Variants in WFDC13 observed in about 807,000 individuals in gnomAD.
WFDC13 encodes WAP four-disulfide core domain 13, also known as WAP four-disulfide core domain protein 13.
In WFDC13, 6 loss-of-function variants were observed where a neutral mutation model predicts 10.9. The ratio of observed to expected loss-of-function variants is 0.55; its 90% CI spans 0.30 to 1.09. The LOEUF is 1.09. Ranked by LOEUF, WFDC13 falls within the 50% of genes least tolerant of loss-of-function variation. The probability of loss-of-function intolerance (pLI) is 0.06; values close to 1 mark genes in which losing one functional copy is unlikely to be tolerated. For missense variants in WFDC13, 104 were observed against 109.6 expected (o/e 0.95, Z 0.23); for synonymous variants, 38 against 39.5 (o/e 0.96, Z 0.14).
In WFDC13 at chr20:45,704,556, G is replaced by A. The variant is rs1984308284; in HGVS notation, c.201G>A (p.Gly67=). 7 of 1,614,148 alleles carry A rather than the reference G, an allele frequency of 4.3e-6. No homozygotes were observed. The East Asian group carries it at 1.1e-4, about 26-fold the overall frequency. The stretch of plus-strand genomic sequence containing the variant: ...TTCAGTGCTGTTCCTCCTTCTGTGG[G>A]ATAGTCTGTTCATCAGAAACATTTC... ...KGFQCCSSFC[G]IVCSSETFQK... Residue 67 remains glycine (G), a synonymous_variant, in exon 2 of 4, where the codon GGG becomes GGA. Coordinates refer to ENST00000305479, the MANE Select transcript of WFDC13 (RefSeq NM_172005.2).
In WFDC13 at chr20:45,708,743, C is replaced by T. The variant is rs1193277700; in HGVS notation, c.*908C>T. ...TGGGATTCATGATATTTGATATATT[C>T]GTAAGCTTTTGTTAAGTTTGTAATT... On this transcript the variant is annotated 3_prime_UTR_variant, in exon 4 of 4. Coordinates refer to ENST00000305479, the MANE Select transcript of WFDC13 (RefSeq NM_172005.2). The T allele has an allele frequency of 2.6e-5, 4 of 152,098 alleles. No individual in the cohort carries two copies. Among genetic ancestry groups the T allele is most frequent in the Non-Finnish European group, 5.9e-5 (4 of 68,010 alleles). 9.4% of individuals were successfully genotyped at this position (152,098 alleles called of 1,614,324 possible).
intron 3 of WFDC13, among the ~76,000 whole-genome samples, chr20:45,706,453 A>G (rs1984393271): frequency 1.3e-5 from 2 of 152,310 alleles, no homozygotes; most frequent in African/African-American, 4.8e-5. Context: ...AAGGTCACTC[A>G]TTCAGGTTCC....
intron 2 of WFDC13, among the ~76,000 whole-genome samples, chr20:45,705,477 CTAAT>C (rs1568676469): frequency 6.6e-6 from 1 of 152,222 alleles, no homozygotes; most frequent in Non-Finnish European, 1.5e-5. Flanking sequence ...CTTAGACAAG[CTAAT>C]TAACCTCTCT....
intron 1 of WFDC13, 39 bp from the exon 2 acceptor site, chr20:45,704,405 T>C (rs1425606240): frequency 6.3e-7 from 1 of 1,589,804 alleles, no homozygotes; most frequent in Non-Finnish European, 8.6e-7. Context: ...TACTCCAGCC[T>C]GTTGGTGAGG....
At chr20:45,704,862 T>G in intron 2 of WFDC13, 1 of 1,570,970 alleles carries the variant, frequency 6.4e-7, no homozygotes, top group Non-Finnish European at 8.8e-7. Flanking sequence ...ACAAATGCCT[T>G]TATCCACAGA....
intron 3 of WFDC13, among the ~76,000 whole-genome samples, chr20:45,706,644 C>T (rs1984402840): frequency 6.6e-6 from 1 of 152,054 alleles, no homozygotes; most frequent in African/African-American, 2.4e-5. Context: ...TGATGGTGCA[C>T]ACCTGGAATC....
In WFDC13 at chr20:45,705,940, AT is replaced by A. The variant is rs1219788096; in HGVS notation, c.*22+16del. 16 of 1,612,010 alleles carry A rather than the reference AT, an allele frequency of 9.9e-6. No homozygotes were observed. The highest frequency in any genetic ancestry group is 1.6e-4 in the Middle Eastern group (1 of 6,082). ...CCTAGATCATTTTGTAAGTACAGGGATTTGGTCTCGCCTTCCTCATGTGAGA... is the reference window on the plus strand; with the variant it reads ...CCTAGATCATTTTGTAAGTACAGGGATTGGTCTCGCCTTCCTCATGTGAGA... On this transcript the variant is annotated intron_variant, in intron 3 of 3. Transcript: ENST00000305479.
chr20:45,702,734 G>A (rs547826166), intron 1 of WFDC13, among the ~76,000 whole-genome samples: 13 of 152,266 alleles, frequency 8.5e-5, no homozygotes, highest in Admixed American at 4.6e-4. Context: ...TACAATTACC[G>A]GTAATTAGCA....
intron 2 of WFDC13, chr20:45,704,982 A>G (rs1317403385): frequency 6.2e-7 from 1 of 1,613,966 alleles, no homozygotes; most frequent in African/African-American, 1.3e-5. Flanking sequence ...CTCCTTTCAC[A>G]AGACACCATC....
At chr20:45,706,156 C>A (rs1407326174) in intron 3 of WFDC13, among the ~76,000 whole-genome samples, 2 of 152,132 alleles carry the variant, frequency 1.3e-5, no homozygotes, top group Non-Finnish European at 2.9e-5. Context: ...ATGTAAGGAA[C>A]CAAGTCATGG....
At chr20:45,704,091 GA>G (rs1373779624) in intron 1 of WFDC13, among the ~76,000 whole-genome samples, 4 of 152,186 alleles carry the variant, frequency 2.6e-5, no homozygotes, top group African/African-American at 9.7e-5. Context: ...AATCAGTGCA[GA>G]ACGAACATAC....
chr20:45,705,894 C>T lies in WFDC13; in HGVS notation c.271C>T (p.Pro91Ser), dbSNP rs1984370383. The T allele has an allele frequency of 1.5e-5, 25 of 1,613,906 alleles. No homozygotes were observed. Among genetic ancestry groups the T allele is most frequent in the Non-Finnish European group, 2.1e-5 (25 of 1,179,994 alleles). Residue 91 changes from proline to serine, a missense_variant, in exon 3 of 4, where the codon CCT becomes TCT. Transcript: ENST00000305479. ...ACACAAGGGCTCAGAAGTCATCATG[C>T]CTGCCAACTGAGGCATATTTCCTAG... ...IKHKGSEVIM[P>S]AN is the part of the protein sequence containing the mutation.
intron 3 of WFDC13, 99 bp downstream of exon 3, chr20:45,706,026 C>A: frequency 3.0e-6 from 3 of 1,012,188 alleles, no homozygotes; most frequent in Non-Finnish European, 3.0e-6. Flanking sequence ...TTCCCACAAG[C>A]TCAGAATGGC....
Position 45,705,897 on chromosome 20 carries a change from G to A in WFDC13, c.274G>A (p.Ala92Thr). 2 of 1,613,998 alleles carry A rather than the reference G, an allele frequency of 1.2e-6. No individual in the cohort carries two copies. The highest frequency in any genetic ancestry group is 1.7e-6 in the Non-Finnish European group (2 of 1,179,968). The part of the protein sequence containing the change: ...KHKGSEVIMP[A>T]N The stretch of plus-strand genomic sequence containing the variant: ...CAAGGGCTCAGAAGTCATCATGCCT[G>A]CCAACTGAGGCATATTTCCTAGATC... Residue 92 changes from alanine to threonine, a missense_variant, in exon 3 of 4, where the codon GCC (alanine) becomes ACC (threonine). By Grantham distance (58) the Ala-to-Thr change is moderately conservative. Coordinates refer to ENST00000305479, the MANE Select transcript of WFDC13 (RefSeq NM_172005.2).
intron 1 of WFDC13, among the ~76,000 whole-genome samples, chr20:45,702,992 A>C (rs1984228932): frequency 6.6e-6 from 1 of 152,338 alleles, no homozygotes; most frequent in East Asian, 1.9e-4. Flanking sequence ...AAAGGCATGC[A>C]GGTTTGTAGG....
intron 1 of WFDC13, among the ~76,000 whole-genome samples, chr20:45,703,229 C>G (rs1984242819): frequency 6.6e-6 from 1 of 152,120 alleles, no homozygotes; most frequent in Non-Finnish European, 1.5e-5. Context: ...TGTTGAGCCC[C>G]AAGCTCTTCA....
Position 45,705,907 on chromosome 20 carries a change from G to A in WFDC13, c.*2G>A. 1.2e-6 allele frequency: 2 copies of A among 1,613,956 alleles called. No homozygotes were observed. The highest frequency in any genetic ancestry group is 1.7e-6 in the Non-Finnish European group (2 of 1,179,966). On this transcript the variant is annotated 3_prime_UTR_variant, in exon 3 of 4. Transcript: ENST00000305479. The stretch of plus-strand genomic sequence containing the variant: ...GAAGTCATCATGCCTGCCAACTGAG[G>A]CATATTTCCTAGATCATTTTGTAAG...
rs1205164851 is a variant in WFDC13 at position 45,708,365 on chromosome 20, G to A, written c.*530G>A. The A allele has an allele frequency of 6.6e-6, 1 of 152,132 alleles. No individual in the cohort carries two copies. Among genetic ancestry groups the A allele is most frequent in the Non-Finnish European group, 1.5e-5 (1 of 68,130 alleles). The allele number at this position is 152,132 out of a possible 1,614,324, so 9.4% of individuals were successfully genotyped here. A position where few individuals can be genotyped will look rare whatever the true frequency, so the allele number is the denominator to read the frequency against. On this transcript the variant is annotated 3_prime_UTR_variant, in exon 4 of 4. Transcript: ENST00000305479. ...GAGGACCTGATAGAGTTGGATCAGT[G>A]ACTAAGAGGCTGCAATAAGGTGCCA...
intron 3 of WFDC13, among the ~76,000 whole-genome samples, chr20:45,707,297 TAG>T (rs1984434169): frequency 6.6e-6 from 1 of 152,226 alleles, no homozygotes; most frequent in Non-Finnish European, 1.5e-5. Context: ...GAAAAATCTA[TAG>T]ACTCTTTTAC....
Sources: gnomAD v4.1 joint callset for allele counts (sites outside exome capture counted in the v4.1 genomes callset) on GRCh38, gnomAD v4.1.1 for gene constraint, MANE v1.5 for transcripts, NCBI Gene and HGNC (gene_info 2026-07-23, HGNC 2026-07-21) for gene names.